SRP68: variants seen among roughly 807,000 people sequenced by gnomAD.
SRP68 encodes the protein signal recognition particle subunit SRP68.
SRP68 carries 15 observed loss-of-function variants against 82.2 expected under a neutral mutation model. The observed-to-expected ratio is 0.18, with a 90% CI of 0.12 to 0.28. The LOEUF is 0.28. Among genes scored for constraint, SRP68 ranks in the 10% least tolerant of loss-of-function variants. SRP68 has a pLI of 1.00. For missense variants in SRP68, 595 were observed against 780.5 expected (o/e 0.76, Z 2.83); for synonymous variants, 261 against 292.6 (o/e 0.89, Z 1.10).
chr17:76,058,758 C>T (rs1439935546), intron 7 of SRP68, among the ~76,000 whole-genome samples: 2 of 152,216 alleles, frequency 1.3e-5, no homozygotes, highest in Non-Finnish European at 2.9e-5. Context: ...CAGTATGTAT[C>T]AAGTTTCCAA....
At chr17:76,053,227 C>T (rs1045667569) in intron 8 of SRP68, among the ~76,000 whole-genome samples, 1 of 144,572 alleles carries the variant, frequency 6.9e-6, no homozygotes, top group African/African-American at 2.6e-5. Flanking sequence ...GATTGTGCCA[C>T]TGCACTTTGG....
intron 8 of SRP68, among the ~76,000 whole-genome samples, chr17:76,053,265 C>T (rs997656023): frequency 1.2e-5 from 1 of 82,566 alleles, no homozygotes; most frequent in Non-Finnish European, 2.4e-5. Flanking sequence ...GACCCTGTCT[C>T]AAAAAAAAAA....
At chr17:76,067,351 AACTC>A (rs762327626) in intron 2 of SRP68, 21 bp from the exon 3 acceptor site, 2 of 1,560,032 alleles carry the variant, frequency 1.3e-6, no homozygotes, top group Non-Finnish European at 1.8e-6. Context: ...CCACAAACAA[AACTC>A]ACTCAGCCAA....
chr17:76,070,586 A>G (rs2066843530), intron 1 of SRP68, 142 bp from the exon 2 acceptor site: 1 of 736,646 alleles, frequency 1.4e-6, no homozygotes, highest in African/African-American at 1.7e-5. Flanking sequence ...CATGCCTGTA[A>G]TCCCAGCACT....
In SRP68 at chr17:76,047,982, GA is replaced by G; in HGVS notation, c.1078-13del. On this transcript the variant is annotated splice_polypyrimidine_tract_variant and intron_variant, in intron 9 of 15. Coordinates refer to ENST00000307877, the MANE Select transcript of SRP68 (RefSeq NM_014230.4). ...TAATCTCTCTGTTTCTGCAGAAAGTGAAAAAGGTAAAAAGTAAAGCAACTGA... is the reference window on the plus strand; with the variant it reads ...TAATCTCTCTGTTTCTGCAGAAAGTGAAAAGGTAAAAAGTAAAGCAACTGA... 18 of 1,559,150 alleles carry G rather than the reference GA, an allele frequency of 1.2e-5. No homozygotes were observed. Among genetic ancestry groups the G allele is most frequent in the Middle Eastern group, 3.4e-4 (2 of 5,858 alleles).
intron 3 of SRP68, among the ~76,000 whole-genome samples, chr17:76,065,085 T>C (rs1337123706): frequency 6.6e-6 from 1 of 152,130 alleles, no homozygotes; most frequent in Non-Finnish European, 1.5e-5. Context: ...AATCTTTCTT[T>C]ACTGCCTTGA....
chr17:76,040,673 G>A, intron 14 of SRP68, 199 bp from the exon 15 acceptor site: 1 of 669,542 alleles, frequency 1.5e-6, no homozygotes, highest in Admixed American at 2.5e-5. Flanking sequence ...GCCCAGTGAA[G>A]CCAGCACAGT....
At chr17:76,058,821 G>A (rs1010407826) in intron 7 of SRP68, among the ~76,000 whole-genome samples, 3 of 152,310 alleles carry the variant, frequency 2.0e-5, no homozygotes, top group African/African-American at 7.2e-5. Flanking sequence ...TCAAGAATGT[G>A]TGCAAAATCT....
chr17:76,044,446 A>G (rs1204247080), intron 12 of SRP68, among the ~76,000 whole-genome samples: 2 of 152,220 alleles, frequency 1.3e-5, no homozygotes, highest in Non-Finnish European at 2.9e-5. Flanking sequence ...AGAAGGGGCC[A>G]TGGAGTGAAG....
At chr17:76,045,062 T>C (rs1278089824) in intron 12 of SRP68, 1 of 418,904 alleles carries the variant, frequency 2.4e-6, no homozygotes, top group African/African-American at 2.1e-5. Context: ...GTTTAACGTG[T>C]GTGCTCCACT....
chr17:76,069,075 A>G (rs556118516), intron 2 of SRP68, among the ~76,000 whole-genome samples: 10 of 151,580 alleles, frequency 6.6e-5, no homozygotes, highest in Non-Finnish European at 1.2e-4. Context: ...ATAATTTACA[A>G]TACAAAATGA....
Position 76,057,363 on chromosome 17 carries a change from A to T in SRP68, c.978+40T>A, listed in dbSNP as rs770403363. On this transcript the variant is annotated intron_variant, in intron 8 of 15. Transcript: ENST00000307877. ...CTTAAACACACAGGACAACCTTCAG[A>T]CACATACAGAAGACAGCACAGTAAG... 3 of 1,612,442 alleles carry T rather than the reference A, an allele frequency of 1.9e-6. No individual in the cohort carries two copies. The South Asian group carries it at 3.3e-5, about 18-fold the overall frequency.
In SRP68 at chr17:76,059,897, G is replaced by A. The variant is rs1029828873; in HGVS notation, c.837+411C>T. 1.5e-4 allele frequency among the ~76,000 whole-genome samples: 22 copies of A among 151,590 alleles called. No homozygotes were observed. In the South Asian group the frequency reaches 1.7e-3, roughly 11 times the overall value. On this transcript the variant is annotated intron_variant, in intron 7 of 15. Coordinates refer to ENST00000307877, the MANE Select transcript of SRP68 (RefSeq NM_014230.4). ...TCCCAGCACTTTGGGAGGCTGAGGCGGGCGGATCTCGAGGTCAGGAGATCG... is the reference window on the plus strand; with the variant it reads ...TCCCAGCACTTTGGGAGGCTGAGGCAGGCGGATCTCGAGGTCAGGAGATCG...
chr17:76,044,481 C>T (rs2066615175), intron 12 of SRP68, among the ~76,000 whole-genome samples: 1 of 152,176 alleles, frequency 6.6e-6, no homozygotes, highest in South Asian at 2.1e-4. Flanking sequence ...AGCACCAGAG[C>T]ACACTGGCAT....
At position 76,062,726 on chromosome 17, in the gene SRP68, A is replaced by ATT. The variant is rs1266995454; in HGVS notation, c.562-1154_562-1153dup. Among the ~76,000 whole-genome samples the ATT allele has an allele frequency of 2.4e-3, 57 of 23,278 alleles. 19 individuals are homozygous for ATT. Among genetic ancestry groups the ATT allele is most frequent in the African/African-American group, 0.013 (48 of 3,690 alleles). 15.3% of individuals were successfully genotyped at this position (23,278 alleles called of 152,430 possible). A position where few individuals can be genotyped will look rare whatever the true frequency, so the allele number is the denominator to read the frequency against. On this transcript the variant is annotated intron_variant, in intron 4 of 15. Transcript: ENST00000307877. ...GTATATTATACAATATATTATATTTATTTTATATATATATATATATATATA... is the reference window on the plus strand; with the variant it reads ...GTATATTATACAATATATTATATTTATTTTTTATATATATATATATATATATA...
intron 4 of SRP68, among the ~76,000 whole-genome samples, chr17:76,062,749 AT>A (rs1412834528): frequency 4.8e-5 from 4 of 83,572 alleles, no homozygotes; most frequent in African/African-American, 2.6e-4. Context: ...ATATATATAT[AT>A]ATATATATAT....
Position 76,070,434 on chromosome 17 carries a change from A to T in SRP68, c.195T>A (p.Ile65=). 2 of 1,614,034 alleles carry T rather than the reference A, an allele frequency of 1.2e-6. No individual in the cohort carries two copies. Among genetic ancestry groups the T allele is most frequent in the Non-Finnish European group, 1.7e-6 (2 of 1,179,944 alleles). The change falls in exon 2 of 16, where the codon ATT becomes ATA. Residue 65 remains isoleucine (I), a synonymous_variant. Coordinates refer to ENST00000307877, the MANE Select transcript of SRP68 (RefSeq NM_014230.4). The part of the protein sequence containing the change: ...GDSLSLEILQ[I]IKESQQQHGL... ...CATGCTGCTGCTGGGATTCCTTAAT[A>T]ATCTGAAGAACTAGAGTCGAGATTA...
At chr17:76,064,319 G>A (rs960832159) in intron 3 of SRP68, 148 bp from the exon 4 acceptor site, 5 of 677,454 alleles carry the variant, frequency 7.4e-6, no homozygotes, top group Non-Finnish European at 1.2e-5. Flanking sequence ...TCTCAGCCAT[G>A]ACTCTAAACC....
intron 7 of SRP68, among the ~76,000 whole-genome samples, chr17:76,058,173 G>A (rs1228701602): frequency 3.4e-5 from 5 of 146,436 alleles, no homozygotes; most frequent in Non-Finnish European, 7.5e-5. Flanking sequence ...TTTTTTTTGA[G>A]ACGGAGTTTT....
Sources: gnomAD v4.1 joint callset for allele counts (sites outside exome capture counted in the v4.1 genomes callset) on GRCh38, gnomAD v4.1.1 for gene constraint, MANE v1.5 for transcripts, NCBI Gene and HGNC (gene_info 2026-07-23, HGNC 2026-07-21) for gene names.